UNC13C: variants seen among roughly 807,000 people sequenced by gnomAD.
UNC13C encodes protein unc-13 homolog C.
In UNC13C, 174 loss-of-function variants were observed where a neutral mutation model predicts 245.4. The ratio of observed to expected loss-of-function variants is 0.71; its 90% CI spans 0.63 to 0.80. The LOEUF is 0.80. Ranked by LOEUF, UNC13C falls within the 30% of genes least tolerant of loss-of-function variation. The pLI is 0.00. For missense variants in UNC13C, 2,829 were observed against 2,602.9 expected (o/e 1.09, Z -1.89); for synonymous variants, 992 against 895.1 (o/e 1.11, Z -1.93).
chr15:54,342,366 G>A (rs1402346849), intron 17 of UNC13C, among the ~76,000 whole-genome samples: 1 of 151,766 alleles, frequency 6.6e-6, no homozygotes, highest in African/African-American at 2.4e-5. Flanking sequence ...GTCTAGCTTG[G>A]GCAACCTGGG....
chr15:54,145,972 C>A (rs1049876459), intron 4 of UNC13C, among the ~76,000 whole-genome samples: 1 of 152,042 alleles, frequency 6.6e-6, no homozygotes, highest in Admixed American at 6.6e-5. Context: ...CCTCTTTCAA[C>A]GACTTTCTAA....
At chr15:54,077,440 A>C (rs1257536483) in intron 2 of UNC13C, among the ~76,000 whole-genome samples, 1 of 114,380 alleles carries the variant, frequency 8.7e-6, no homozygotes, top group Non-Finnish European at 1.6e-5. Context: ...GTGCTTTGGC[A>C]TGATCTTGGC....
intron 17 of UNC13C, among the ~76,000 whole-genome samples, chr15:54,357,373 T>A (rs142887803): frequency 0.031 from 4,663 of 152,172 alleles, 129 homozygotes; most frequent in Admixed American, 0.094. Flanking sequence ...GGAATATTTT[T>A]AAAATATTCT....
chr15:54,439,579 G>A (rs1029598918), intron 19 of UNC13C, among the ~76,000 whole-genome samples: 4 of 151,740 alleles, frequency 2.6e-5, no homozygotes, highest in African/African-American at 9.7e-5. Context: ...TGTAATAATA[G>A]CATAGATGCA....
chr15:54,576,378 G>A (rs747553088), intron 30 of UNC13C, among the ~76,000 whole-genome samples: 16 of 152,020 alleles, frequency 1.1e-4, no homozygotes, highest in South Asian at 4.1e-4. Context: ...TTCCTTCTCC[G>A]TACTCTACAT....
intron 7 of UNC13C, among the ~76,000 whole-genome samples, chr15:54,243,414 T>A (rs2035911473): frequency 1.3e-5 from 2 of 152,194 alleles, no homozygotes; most frequent in South Asian, 4.1e-4. Flanking sequence ...ATTCCATGTC[T>A]TTACTATTGT....
chr15:54,159,785 A>G (rs2032899745), intron 4 of UNC13C, among the ~76,000 whole-genome samples: 1 of 152,326 alleles, frequency 6.6e-6, no homozygotes, highest in Non-Finnish European at 1.5e-5. Context: ...GGTTGTGCCT[A>G]TATTTTCTAA....
intron 10 of UNC13C, among the ~76,000 whole-genome samples, chr15:54,284,607 G>A (rs1359989417): frequency 2.0e-5 from 3 of 148,570 alleles, no homozygotes; most frequent in Admixed American, 1.4e-4. Flanking sequence ...AAATCACCAC[G>A]AGCACATGTG....
At chr15:53,997,912 C>T (rs1308107906) in intron 1 of UNC13C, among the ~76,000 whole-genome samples, 1 of 152,114 alleles carries the variant, frequency 6.6e-6, no homozygotes, top group Non-Finnish European at 1.5e-5. Flanking sequence ...AAGCTATCCT[C>T]CCACCTCAGC....
the UNC13C span, among the ~76,000 whole-genome samples, chr15:53,878,034 T>G: frequency 6.6e-6 from 1 of 152,234 alleles, no homozygotes; most frequent in Non-Finnish European, 1.5e-5. Flanking sequence ...TTTTGCTTAG[T>G]ATTGAATATG....
chr15:54,063,492 G>A (rs528667617), intron 2 of UNC13C, among the ~76,000 whole-genome samples: 9 of 152,192 alleles, frequency 5.9e-5, no homozygotes, highest in Admixed American at 1.3e-4. Context: ...TCAGCTCTCG[G>A]TAAAGGATAG....
the UNC13C span, among the ~76,000 whole-genome samples, chr15:53,895,345 C>CAAAAAAAAAAAAAAAAAA: frequency 2.9e-5 from 1 of 34,280 alleles, no homozygotes; most frequent in Admixed American, 3.1e-4. Flanking sequence ...GATTTCATCT[C>CAAAAAAAAAAAAAAAAAA]AAAAAAAAAA....
intron 2 of UNC13C, among the ~76,000 whole-genome samples, chr15:54,083,323 A>G (rs2141121563): frequency 6.6e-6 from 1 of 152,192 alleles, no homozygotes; most frequent in South Asian, 2.1e-4. Flanking sequence ...GGCAGCGACC[A>G]CCAAACTGGA....
intron 2 of UNC13C, among the ~76,000 whole-genome samples, chr15:54,142,075 T>A (rs1041250827): frequency 6.6e-6 from 1 of 152,216 alleles, no homozygotes; most frequent in Non-Finnish European, 1.5e-5. Context: ...GTTTCTCCAG[T>A]TTTATGCTAA....
chr15:54,120,067 G>C (rs1220209700), intron 2 of UNC13C, among the ~76,000 whole-genome samples: 2 of 152,172 alleles, frequency 1.3e-5, no homozygotes, highest in Admixed American at 1.3e-4. Flanking sequence ...TTATCCAGAA[G>C]ACCTAGTTAA....
the UNC13C span, among the ~76,000 whole-genome samples, chr15:53,876,777 TTA>T: frequency 6.6e-6 from 1 of 152,196 alleles, no homozygotes; most frequent in Admixed American, 6.5e-5. Flanking sequence ...TTTAGTCTTT[TTA>T]TGATTATAAA....
rs370640982 is a variant in UNC13C, at chr15:54,265,452, C to T, written c.3774C>T (p.Thr1258=). The change falls in exon 10 of 33, where the codon ACC becomes ACT. Residue 1258 remains threonine (T), a synonymous_variant. Transcript: ENST00000260323. ...GAAAGAACAAAAGAAGAACAAAAACCATTTTTGGAAATTTGAATCCAGTAT... is the reference window on the plus strand; with the variant it reads ...GAAAGAACAAAAGAAGAACAAAAACTATTTTTGGAAATTTGAATCCAGTAT... ...QVGKNKRRTK[T]IFGNLNPVWD... 4 of 1,566,428 alleles carry T rather than the reference C, an allele frequency of 2.6e-6. No homozygotes were observed. The highest frequency in any genetic ancestry group is 1.9e-5 in the Admixed American group (1 of 53,608).
chr15:54,386,180 T>C (rs574750003), intron 17 of UNC13C, among the ~76,000 whole-genome samples: 8 of 152,284 alleles, frequency 5.3e-5, no homozygotes, highest in Admixed American at 2.0e-4. Context: ...CTAACTTGTG[T>C]TATTTGCAGT....
chr15:54,346,403 T>C (rs920023274), intron 17 of UNC13C, among the ~76,000 whole-genome samples: 6 of 152,172 alleles, frequency 3.9e-5, no homozygotes, highest in African/African-American at 1.4e-4. Flanking sequence ...AGCCTCTTCA[T>C]GTCTGGTTTC....
Sources: allele counts gnomAD v4.1 joint callset (sites outside exome capture counted in the v4.1 genomes callset), GRCh38; gene constraint gnomAD v4.1.1; transcripts MANE v1.5; gene names NCBI Gene and HGNC (gene_info 2026-07-23, HGNC 2026-07-21).